The following PIK3C3 variants were observed in gnomAD, a reference collection of about 807,000 sequenced individuals.
PIK3C3 encodes PI3-kinase type 3.
PIK3C3 carries 95 observed loss-of-function variants against 126.1 expected under a neutral mutation model. The observed-to-expected ratio is 0.75, with a 90% CI of 0.64 to 0.89. The LOEUF (loss-of-function observed/expected upper bound fraction) is 0.89. Ranked by LOEUF, PIK3C3 falls within the 40% of genes least tolerant of loss-of-function variation. The probability of loss-of-function intolerance (pLI) is 0.00; values close to 1 mark genes in which losing one functional copy is unlikely to be tolerated. For missense variants in PIK3C3, 829 were observed against 1,063.2 expected, an observed-to-expected ratio of 0.78 and a Z score of 3.06; for synonymous variants, 374 against 360.0, an observed-to-expected ratio of 1.04 and a Z score of -0.44.
chr18:42,010,242 C>T (rs1038296426), intron 10 of PIK3C3, among the ~76,000 whole-genome samples: 1 of 152,212 alleles, frequency 6.6e-6, no homozygotes, highest in Non-Finnish European at 1.5e-5. Context: ...CCATAAGAAG[C>T]AACTCTTCAT....
chr18:41,960,735 C>T (rs1284033147), intron 2 of PIK3C3, among the ~76,000 whole-genome samples: 1 of 151,466 alleles, frequency 6.6e-6, no homozygotes, highest in African/African-American at 2.4e-5. Context: ...ACTGAAGGAT[C>T]ATTTTTTCTT....
In PIK3C3 at chr18:42,082,537, T is replaced by G. The variant is rs564442098; in HGVS notation, c.*1400T>G. On this transcript the variant is annotated 3_prime_UTR_variant, in exon 25 of 25. Coordinates refer to ENST00000262039, the MANE Select transcript of PIK3C3 (RefSeq NM_002647.4). ...ATGGGCAGGCTCCATCGTCTACCTTTCTTTTTCTTTTCTTCACATGTTTAT... is the reference window on the plus strand; with the variant it reads ...ATGGGCAGGCTCCATCGTCTACCTTGCTTTTTCTTTTCTTCACATGTTTAT... 2.0e-5 allele frequency: 3 copies of G among 152,330 alleles called. No homozygotes were observed. Among genetic ancestry groups the G allele is most frequent in the African/African-American group, 4.8e-5 (2 of 41,574 alleles). 9.4% of individuals were successfully genotyped at this position (152,330 alleles called of 1,614,324 possible).
chr18:42,048,050 A>T (rs1377980229), intron 20 of PIK3C3, among the ~76,000 whole-genome samples: 3 of 152,218 alleles, frequency 2.0e-5, no homozygotes, highest in Non-Finnish European at 4.4e-5. Flanking sequence ...GGGGAACCAG[A>T]TTTGACCATC....
intron 24 of PIK3C3, among the ~76,000 whole-genome samples, chr18:42,076,127 T>TATATATATATATATATATATATATGCGC (rs1568013615): frequency 4.0e-5 from 3 of 75,848 alleles, no homozygotes; most frequent in African/African-American, 6.8e-5. Flanking sequence ...TATATGCGCA[T>TATATATATATATATATATATATATGCGC]ATATATATAT....
intron 18 of PIK3C3, among the ~76,000 whole-genome samples, chr18:42,040,099 T>C (rs1222969450): frequency 6.6e-6 from 1 of 151,900 alleles, no homozygotes; most frequent in East Asian, 1.9e-4. Context: ...TTCTGTTGTC[T>C]TCAGACTTAT....
intron 21 of PIK3C3, among the ~76,000 whole-genome samples, chr18:42,054,148 AT>A (rs1984938314): frequency 5.2e-5 from 1 of 19,264 alleles, no homozygotes; most frequent in Non-Finnish European, 1.0e-4. Flanking sequence ...ATATATATAT[AT>A]ATATATATAT....
At position 42,012,183 on chromosome 18, in the gene PIK3C3, TAA is replaced by T. The variant is rs200019420; in HGVS notation, c.1171-1244_1171-1243del. On this transcript the variant is annotated intron_variant, in intron 10 of 24. Coordinates refer to ENST00000262039, the MANE Select transcript of PIK3C3 (RefSeq NM_002647.4). ...AGGGTTGCTACAAACCTTCATTCTG[TAA>T]AAAAAAAAAAAAAATGCAATGTGTG... 4.1e-3 allele frequency among the ~76,000 whole-genome samples: 586 copies of T among 142,176 alleles called. 2 individuals are homozygous for T. The highest frequency in any genetic ancestry group is 0.011 in the African/African-American group (405 of 38,014). 93.3% of individuals were successfully genotyped at this position (142,176 alleles called of 152,430 possible).
Position 42,081,134 on chromosome 18 carries a change from A to G in PIK3C3, c.2661A>G (p.Lys887=), listed in dbSNP as rs765960228. Residue 887 remains lysine, a synonymous_variant, in exon 25 of 25, where the codon AAA becomes AAG. Transcript: ENST00000262039. ...TTTAATTTTTGTAGTACTGGAGAAA[A>G]TGAAACTGGGATTGACCCATCAAGA... ...QIHKFAQYWR[K] is the part of the protein sequence containing the mutation. The G allele has an allele frequency of 1.3e-6, 2 of 1,570,228 alleles. No individual in the cohort carries two copies. Among genetic ancestry groups the G allele is most frequent in the South Asian group, 1.2e-5 (1 of 86,932 alleles).
At chr18:42,020,802 G>A (rs969790108) in intron 13 of PIK3C3, 97 bp downstream of exon 13, 5 of 694,010 alleles carry the variant, frequency 7.2e-6, no homozygotes, top group African/African-American at 5.5e-5. Context: ...TAAGATATGA[G>A]CAATCATCAA....
intron 10 of PIK3C3, among the ~76,000 whole-genome samples, chr18:42,006,092 A>T (rs1982529105): frequency 6.6e-6 from 1 of 151,224 alleles, no homozygotes; most frequent in African/African-American, 2.4e-5. Context: ...ATCCTAAAGG[A>T]TACAGAAGAA....
chr18:42,046,732 T>C (rs2144485746), intron 20 of PIK3C3, among the ~76,000 whole-genome samples: 1 of 152,300 alleles, frequency 6.6e-6, no homozygotes, highest in Middle Eastern at 3.4e-3. Context: ...GATCATCCCA[T>C]TCTTACCTCA....
At chr18:42,073,191 A>G (rs1985847780) in intron 24 of PIK3C3, among the ~76,000 whole-genome samples, 1 of 152,236 alleles carries the variant, frequency 6.6e-6, no homozygotes, top group Admixed American at 6.5e-5. Context: ...TACTAGGAAC[A>G]TAGCACTGCT....
At chr18:42,072,915 G>A (rs1377394205) in intron 24 of PIK3C3, among the ~76,000 whole-genome samples, 1 of 152,072 alleles carries the variant, frequency 6.6e-6, no homozygotes, top group Non-Finnish European at 1.5e-5. Flanking sequence ...ATGTACAGTT[G>A]CACAAGTAGG....
chr18:42,079,519 T>C (rs1215825378), intron 24 of PIK3C3, among the ~76,000 whole-genome samples: 1 of 151,972 alleles, frequency 6.6e-6, no homozygotes, highest in Non-Finnish European at 1.5e-5. Flanking sequence ...ACATAAGCTG[T>C]TGGAAAAAAT....
chr18:42,001,276 C>T (rs995963204), intron 9 of PIK3C3, among the ~76,000 whole-genome samples: 2 of 152,152 alleles, frequency 1.3e-5, no homozygotes, highest in Non-Finnish European at 2.9e-5. Context: ...CATTCATTAA[C>T]TTAGTCTTCA....
chr18:41,975,414 G>C (rs1453165726), intron 4 of PIK3C3, among the ~76,000 whole-genome samples: 1 of 152,078 alleles, frequency 6.6e-6, no homozygotes, highest in East Asian at 1.9e-4. Flanking sequence ...GCCCCTGGTG[G>C]CTACAAGATA....
In PIK3C3 at chr18:42,033,924, A is replaced by G. The variant is rs1983936036; in HGVS notation, c.1806A>G (p.Arg602=). 1 of 1,607,770 alleles carries G rather than the reference A, an allele frequency of 6.2e-7. No individual in the cohort carries two copies. Among genetic ancestry groups the G allele is most frequent in the African/African-American group, 1.3e-5 (1 of 74,656 alleles). Residue 602 remains arginine (R), a synonymous_variant, in exon 16 of 25, where the codon AGA becomes AGG. Transcript: ENST00000262039. ...CTTTAGAACCCCAAGTGAAAATTAG[A>G]GGAATAATTCCGGAAACAGCTACAC... ...PLPLEPQVKI[R]GIIPETATLF...
intron 1 of PIK3C3, among the ~76,000 whole-genome samples, chr18:41,956,087 A>T (rs1279461852): frequency 2.0e-5 from 3 of 152,212 alleles, no homozygotes; most frequent in Non-Finnish European, 4.4e-5. Flanking sequence ...TAAGGTGGTC[A>T]TGTAGGAGTG....
chr18:42,061,852 A>C (rs547877994), intron 22 of PIK3C3, among the ~76,000 whole-genome samples: 1 of 152,310 alleles, frequency 6.6e-6, no homozygotes, highest in African/African-American at 2.4e-5. Flanking sequence ...TAATCCAGAA[A>C]GCATTAGTAT....
Sources: gnomAD v4.1 joint callset for allele counts (sites outside exome capture counted in the v4.1 genomes callset) on GRCh38, gnomAD v4.1.1 for gene constraint, MANE v1.5 for transcripts, NCBI Gene and HGNC (gene_info 2026-07-23, HGNC 2026-07-21) for gene names.